Variants in PCDH9 observed in about 807,000 individuals in gnomAD.
The protein encoded by PCDH9 is protocadherin-9.
In PCDH9, 24 loss-of-function variants were observed where a neutral mutation model predicts 70.6. That is an observed-to-expected ratio of 0.34 (90% CI 0.25 to 0.48). The LOEUF is 0.48. Ranked by LOEUF, PCDH9 falls within the 20% of genes least tolerant of loss-of-function variation. The pLI, the probability that PCDH9 is intolerant of heterozygous loss-of-function variation, is 0.99. For missense variants in PCDH9, 1,281 were observed against 1,503.6 expected, an observed-to-expected ratio of 0.85 and a Z score of 2.45; for synonymous variants, 562 against 558.5, an observed-to-expected ratio of 1.01 and a Z score of -0.09.
At chr13:66,748,480 C>T (rs1353165848) in intron 3 of PCDH9, among the ~76,000 whole-genome samples, 3 of 152,086 alleles carry the variant, frequency 2.0e-5, no homozygotes, top group African/African-American at 7.2e-5. Context: ...TAGAAGTGGT[C>T]ATGTATTTTC....
intron 2 of PCDH9, among the ~76,000 whole-genome samples, chr13:67,067,656 A>G (rs2085676053): frequency 6.6e-6 from 1 of 151,824 alleles, no homozygotes; most frequent in Non-Finnish European, 1.5e-5. Flanking sequence ...ACAAAACAAC[A>G]ATAAAATAAA....
intron 4 of PCDH9, among the ~76,000 whole-genome samples, chr13:66,350,018 C>T (rs1011250941): frequency 6.6e-6 from 1 of 152,134 alleles, no homozygotes; most frequent in Non-Finnish European, 1.5e-5. Flanking sequence ...ATCCCTCCAT[C>T]GGTCACGTCA....
At chr13:66,418,046 A>G (rs1245018438) in intron 4 of PCDH9, among the ~76,000 whole-genome samples, 1 of 152,096 alleles carries the variant, frequency 6.6e-6, no homozygotes, top group Non-Finnish European at 1.5e-5. Flanking sequence ...TTTTGTTGCA[A>G]TTGCTTTTGG....
chr13:66,792,512 A>T (rs2080178698), intron 3 of PCDH9, among the ~76,000 whole-genome samples: 1 of 152,056 alleles, frequency 6.6e-6, no homozygotes, highest in South Asian at 2.1e-4. Context: ...CCTACTAAAA[A>T]TACAAAATTA....
chr13:66,812,126 A>C (rs1254726184), intron 3 of PCDH9, among the ~76,000 whole-genome samples: 1 of 152,010 alleles, frequency 6.6e-6, no homozygotes, highest in Non-Finnish European at 1.5e-5. Flanking sequence ...CATGCCTCTA[A>C]AATTGCTTAT....
intron 4 of PCDH9, among the ~76,000 whole-genome samples, chr13:66,532,407 G>A (rs1960506925): frequency 6.6e-6 from 1 of 152,134 alleles, no homozygotes; most frequent in Admixed American, 6.5e-5. Flanking sequence ...TTTATAAATA[G>A]ATCAGTATGT....
At position 66,357,782 on chromosome 13, in the gene PCDH9, C is replaced by G. The variant is rs17081192; in HGVS notation, c.3341-52754G>C. On this transcript the variant is annotated intron_variant, in intron 4 of 4. Transcript: ENST00000377865. ...TATGTGTGTGCTCTCACAATAAGTT[C>G]TCTGCAGCTGAGAACACAGCTTAGA... 8.6e-3 allele frequency among the ~76,000 whole-genome samples: 1,304 copies of G among 152,118 alleles called. 19 individuals are homozygous for G. The highest frequency in any genetic ancestry group is 0.03 in the African/African-American group (1,251 of 41,528).
chr13:67,222,055 G>C (rs1404980118), intron 2 of PCDH9: 1 of 152,120 alleles, frequency 6.6e-6, no homozygotes, highest in African/African-American at 2.4e-5. Flanking sequence ...CATGTTTTAA[G>C]TAGTGCTCCA....
chr13:67,191,010 C>A (rs866317806), intron 2 of PCDH9, among the ~76,000 whole-genome samples: 2 of 152,032 alleles, frequency 1.3e-5, no homozygotes, highest in Non-Finnish European at 2.9e-5. Context: ...AGGTCTTGAC[C>A]TCCATTCTAT....
chr13:66,527,726 A>T (rs1304301463), intron 4 of PCDH9, among the ~76,000 whole-genome samples: 1 of 152,146 alleles, frequency 6.6e-6, no homozygotes, highest in Non-Finnish European at 1.5e-5. Context: ...TTTATTAAAG[A>T]TAAATTATCA....
At chr13:66,356,022 A>G (rs1956376866) in intron 4 of PCDH9, among the ~76,000 whole-genome samples, 1 of 152,166 alleles carries the variant, frequency 6.6e-6, no homozygotes, top group South Asian at 2.1e-4. Flanking sequence ...ATTATTAAAT[A>G]AGATAACTAA....
chr13:66,539,033 A>G (rs1013878804), intron 4 of PCDH9, among the ~76,000 whole-genome samples: 2 of 152,122 alleles, frequency 1.3e-5, no homozygotes, highest in African/African-American at 2.4e-5. Flanking sequence ...ATGATTCTAA[A>G]ACCATTGCAG....
At chr13:67,104,926 T>C (rs2086508232) in intron 2 of PCDH9, among the ~76,000 whole-genome samples, 1 of 152,188 alleles carries the variant, frequency 6.6e-6, no homozygotes, top group Non-Finnish European at 1.5e-5. Flanking sequence ...TCAGTTCCAC[T>C]TCACTGAAAT....
intron 4 of PCDH9, among the ~76,000 whole-genome samples, chr13:66,327,043 T>C (rs1955861422): frequency 6.6e-6 from 1 of 152,132 alleles, no homozygotes; most frequent in Non-Finnish European, 1.5e-5. Flanking sequence ...CAAATTGTCT[T>C]TCTTAATACA....
chr13:67,154,573 C>G (rs2087748936), intron 2 of PCDH9, among the ~76,000 whole-genome samples: 1 of 57,974 alleles, frequency 1.7e-5, no homozygotes, highest in African/African-American at 7.0e-5. Context: ...GAGACCCTGT[C>G]TCAAAAAAAA....
intron 3 of PCDH9, among the ~76,000 whole-genome samples, chr13:66,725,357 G>C (rs1182081863): frequency 6.6e-6 from 1 of 152,130 alleles, no homozygotes; most frequent in Non-Finnish European, 1.5e-5. Flanking sequence ...CCCTAAGCCT[G>C]CTGTTGCCTA....
At chr13:66,818,964 A>ACAAAAAC (rs71110604) in intron 3 of PCDH9, among the ~76,000 whole-genome samples, 2 of 151,594 alleles carry the variant, frequency 1.3e-5, no homozygotes, top group African/African-American at 4.8e-5. Context: ...AAAACAAAAA[A>ACAAAAAC]ACAAAAAAGG....
chr13:66,514,111 T>C (rs1959617668), intron 4 of PCDH9, among the ~76,000 whole-genome samples: 1 of 152,098 alleles, frequency 6.6e-6, no homozygotes, highest in South Asian at 2.1e-4. Context: ...ATTTATCTCT[T>C]TAAAAATATG....
chr13:66,662,687 C>G (rs2078028951), intron 3 of PCDH9, among the ~76,000 whole-genome samples: 1 of 152,082 alleles, frequency 6.6e-6, no homozygotes, highest in Non-Finnish European at 1.5e-5. Context: ...AATGAAGAAA[C>G]AATGGGTGAC....
Sources: gnomAD v4.1 joint callset for allele counts (sites outside exome capture counted in the v4.1 genomes callset) on GRCh38, gnomAD v4.1.1 for gene constraint, MANE v1.5 for transcripts, NCBI Gene and HGNC (gene_info 2026-07-23, HGNC 2026-07-21) for gene names.